Variants in RARB observed in about 807,000 individuals in gnomAD.
RARB encodes the protein retinoic acid receptor beta.
Under a neutral mutation model 51.9 loss-of-function variants are expected in RARB, and 17 were observed. That is an observed-to-expected ratio of 0.33 (90% confidence interval 0.22 to 0.49). The LOEUF (loss-of-function observed/expected upper bound fraction) is 0.49, where lower values mean the gene tolerates loss of function less well. RARB is among the 20% of genes least tolerant of loss of function. The pLI, the probability that RARB is intolerant of heterozygous loss-of-function variation, is 0.99. For synonymous variants in RARB, 215 were observed against 195.4 expected (o/e 1.10, Z -0.84); for missense variants, 369 against 550.8 (o/e 0.67, Z 3.30).
intron 3 of RARB, among the ~76,000 whole-genome samples, chr3:25,567,344 C>G (rs922748943): frequency 9.2e-5 from 14 of 152,106 alleles, no homozygotes; most frequent in Admixed American, 7.2e-4. Flanking sequence ...AGCCACGAGT[C>G]TACTTTTTGT....
At chr3:25,082,040 T>C (rs1699016239) in intron 3 of RARB, among the ~76,000 whole-genome samples, 1 of 152,188 alleles carries the variant, frequency 6.6e-6, no homozygotes. Context: ...TACTACTCTG[T>C]CAAAGTCTAC....
intron 3 of RARB, among the ~76,000 whole-genome samples, chr3:25,553,312 TCAC>T (rs1295944075): frequency 5.3e-5 from 8 of 152,328 alleles, no homozygotes; most frequent in African/African-American, 1.7e-4. Flanking sequence ...GGCATACTCT[TCAC>T]CACCCCTCAA....
intron 2 of RARB, among the ~76,000 whole-genome samples, chr3:24,969,667 C>T (rs1696350906): frequency 6.6e-6 from 1 of 152,098 alleles, no homozygotes; most frequent in Non-Finnish European, 1.5e-5. Context: ...GAGAAGAGAG[C>T]TAGACAGTGT....
intron 2 of RARB, among the ~76,000 whole-genome samples, chr3:24,884,782 C>A (rs751322362): frequency 1.8e-4 from 27 of 152,124 alleles, no homozygotes; most frequent in Middle Eastern, 3.4e-3. Context: ...TGTAGGAGCT[C>A]TATTTGAAAA....
intron 2 of RARB, among the ~76,000 whole-genome samples, chr3:25,003,048 T>A (rs1461856352): frequency 2.0e-5 from 3 of 152,158 alleles, no homozygotes; most frequent in East Asian, 3.9e-4. Flanking sequence ...AATTGTTGAA[T>A]ATTCGGTCAC....
chr3:25,072,463 C>G (rs1698786829), intron 3 of RARB, among the ~76,000 whole-genome samples: 1 of 152,084 alleles, frequency 6.6e-6, no homozygotes, highest in Non-Finnish European at 1.5e-5. Flanking sequence ...GGAGCGATAC[C>G]ATTTGGGAGG....
chr3:25,149,238 G>A (rs1700244252), intron 4 of RARB, among the ~76,000 whole-genome samples: 1 of 152,162 alleles, frequency 6.6e-6, no homozygotes, highest in Non-Finnish European at 1.5e-5. Flanking sequence ...CCATAGGAAT[G>A]GTTTCTAAAA....
chr3:25,193,783 G>A (rs1007790663), intron 5 of RARB, among the ~76,000 whole-genome samples: 8 of 151,868 alleles, frequency 5.3e-5, no homozygotes, highest in African/African-American at 1.9e-4. Flanking sequence ...AGGAAAAAGG[G>A]AAATGGAGGC....
At position 25,102,564 on chromosome 3, in the gene RARB, A is replaced by G. The variant is rs1230069553; in HGVS notation, c.-327-29597A>G. 2.0e-5 allele frequency among the ~76,000 whole-genome samples: 3 copies of G among 152,034 alleles called. No individual in the cohort carries two copies. In the East Asian group the frequency reaches 5.8e-4, roughly 29 times the overall value. ...CAAAAAAAAATGAAAATAGAAATAA[A>G]TATATAAAATACACATGTTCAAAAT... On this transcript the variant is annotated intron_variant, in intron 3 of 11. Transcript: ENST00000383772.
In RARB at chr3:25,503,516, A is replaced by G. The variant is rs562649392; in HGVS notation, c.448+2193A>G. On this transcript the variant is annotated intron_variant, in intron 3 of 7. Coordinates refer to ENST00000330688, the MANE Select transcript of RARB (RefSeq NM_000965.5). ...GTAAAAACTGGCAGCTTGGTTGGCA[A>G]TTAAAAAAAATAATGTTTACACCCA... is the stretch of plus-strand genomic sequence containing the variant. Among the ~76,000 whole-genome samples the G allele has an allele frequency of 2.6e-5, 4 of 152,334 alleles. No homozygotes were observed. In the East Asian group the frequency reaches 5.8e-4, roughly 22 times the overall value.
At chr3:25,101,647 A>G (rs998749972) in intron 3 of RARB, among the ~76,000 whole-genome samples, 3 of 147,650 alleles carry the variant, frequency 2.0e-5, no homozygotes, top group African/African-American at 5.1e-5. Context: ...CTAAATCTTT[A>G]TGTTTTTTTT....
intron 2 of RARB, among the ~76,000 whole-genome samples, chr3:25,031,347 C>T (rs1339870841): frequency 6.6e-6 from 1 of 152,186 alleles, no homozygotes; most frequent in Non-Finnish European, 1.5e-5. Context: ...GAAACAGAAA[C>T]ATAGAGCAGG....
chr3:24,977,049 T>C (rs922993905), intron 2 of RARB, among the ~76,000 whole-genome samples: 1 of 152,204 alleles, frequency 6.6e-6, no homozygotes, highest in African/African-American at 2.4e-5. Context: ...TTTGTCAGGT[T>C]TGTCAAAGAT....
In RARB at chr3:25,146,495, TTTTG is replaced by T. The variant is rs372466913; in HGVS notation, c.-280+14303_-280+14306del. 4.3e-4 allele frequency among the ~76,000 whole-genome samples: 55 copies of T among 129,372 alleles called. 3 individuals carry two copies. The highest frequency in any genetic ancestry group is 1.4e-3 in the African/African-American group (48 of 34,860). 84.9% of individuals were successfully genotyped at this position (129,372 alleles called of 152,430 possible). ...CCTGCAGGCTATAATTTGCTAAGTT[TTTTG>T]TTTGTTTGTTTGTTTTTTTTTTTTT... On this transcript the variant is annotated intron_variant, in intron 4 of 11. Coordinates refer to the RARB transcript ENST00000383772.
intron 2 of RARB, among the ~76,000 whole-genome samples, chr3:24,993,073 C>T (rs759888225): frequency 2.5e-4 from 38 of 152,108 alleles, no homozygotes; most frequent in African/African-American, 3.9e-4. Context: ...AGTGAATATA[C>T]GTTAGCCAAC....
chr3:25,294,119 C>T (rs1464417457), intron 5 of RARB, among the ~76,000 whole-genome samples: 1 of 152,118 alleles, frequency 6.6e-6, no homozygotes. Context: ...GTAAGAATTC[C>T]ATGAACAAGT....
At chr3:25,585,267 G>T (rs552541647) in intron 5 of RARB, among the ~76,000 whole-genome samples, 2 of 152,112 alleles carry the variant, frequency 1.3e-5, no homozygotes, top group African/African-American at 4.8e-5. Context: ...TTGTTAAGTC[G>T]CACTATGCCC....
At chr3:25,149,374 A>G (rs138314114) in intron 4 of RARB, among the ~76,000 whole-genome samples, 386 of 152,342 alleles carry the variant, frequency 2.5e-3, no homozygotes, top group African/African-American at 8.5e-3. Context: ...TAAATGTACA[A>G]CCTGTGGAAT....
At chr3:24,983,420 G>T (rs1696719141) in intron 2 of RARB, among the ~76,000 whole-genome samples, 1 of 151,872 alleles carries the variant, frequency 6.6e-6, no homozygotes, top group Non-Finnish European at 1.5e-5. Flanking sequence ...AGAATGTGCT[G>T]GTTTGTTACA....
Sources: gnomAD v4.1 joint callset for allele counts (sites outside exome capture counted in the v4.1 genomes callset) on GRCh38, gnomAD v4.1.1 for gene constraint, MANE v1.5 for transcripts, NCBI Gene and HGNC (gene_info 2026-07-23, HGNC 2026-07-21) for gene names.